NFXL1: variants seen among roughly 807,000 people sequenced by gnomAD.
NFXL1 encodes NF-X1-type zinc finger protein NFXL1.
Under a neutral mutation model 123.3 loss-of-function variants are expected in NFXL1, and 66 were observed. That is an observed-to-expected ratio of 0.54 (90% CI 0.44 to 0.66). NFXL1 has a LOEUF of 0.66. NFXL1 is among the 30% of genes least tolerant of loss of function. NFXL1 has a pLI of 0.00. For synonymous variants in NFXL1, 346 were observed against 360.8 expected (o/e 0.96, Z 0.46); for missense variants, 944 against 1,125.6 (o/e 0.84, Z 2.31).
At chr4:47,850,887 T>G (rs978442982) in intron 22 of NFXL1, among the ~76,000 whole-genome samples, 24 of 152,174 alleles carry the variant, frequency 1.6e-4, no homozygotes, top group African/African-American at 4.8e-4. Context: ...AAAAAAAATT[T>G]GGGAATATAT....
intron 11 of NFXL1, 122 bp from the exon 12 acceptor site, chr4:47,890,825 CAAG>C: frequency 1.7e-6 from 1 of 579,602 alleles, no homozygotes; most frequent in Non-Finnish European, 3.1e-6. Context: ...AAGAAGTATT[CAAG>C]AATATCAACA....
chr4:47,870,233 C>T (rs2110058117), intron 18 of NFXL1, among the ~76,000 whole-genome samples: 1 of 152,216 alleles, frequency 6.6e-6, no homozygotes, highest in Middle Eastern at 3.4e-3. Flanking sequence ...AAAGACAATA[C>T]AAAATTTAAA....
At position 47,896,749 on chromosome 4, in the gene NFXL1, A is replaced by G. The variant is rs1054689149; in HGVS notation, c.1205-102T>C. On this transcript the variant is annotated intron_variant, in intron 9 of 22. Transcript: ENST00000507489. ...CTCCCTAAGGAATGCTAGCACTTTC[A>G]GACTATAAATTTTTGTATCCACATA... 4.3e-6 allele frequency: 3 copies of G among 696,728 alleles called. No homozygotes were observed. In the East Asian group the frequency reaches 8.3e-5, roughly 19 times the overall value. 43.2% of individuals were successfully genotyped at this position (696,728 alleles called of 1,614,324 possible). A position where few individuals can be genotyped will look rare whatever the true frequency, so the allele number is the denominator to read the frequency against.
chr4:47,869,127 A>C (rs758421959), intron 18 of NFXL1, among the ~76,000 whole-genome samples: 5 of 152,226 alleles, frequency 3.3e-5, no homozygotes, highest in Non-Finnish European at 5.9e-5. Context: ...TGAGAGGCTG[A>C]GGCGGGAGGA....
chr4:47,905,519 C>T (rs552480904), intron 3 of NFXL1, among the ~76,000 whole-genome samples, 173 bp from the exon 4 acceptor site: 17 of 152,118 alleles, frequency 1.1e-4, no homozygotes, highest in African/African-American at 2.9e-4. Flanking sequence ...CAAGAGGTAA[C>T]GAAGTCTGTG....
chr4:47,910,531 G>A (rs1578045086), intron 3 of NFXL1, among the ~76,000 whole-genome samples: 1 of 152,028 alleles, frequency 6.6e-6, no homozygotes, highest in African/African-American at 2.4e-5. Context: ...CCAGTCCACC[G>A]CTCAGGAGCT....
intron 12 of NFXL1, among the ~76,000 whole-genome samples, chr4:47,889,833 G>A (rs1347526747): frequency 1.3e-5 from 2 of 152,106 alleles, no homozygotes; most frequent in African/African-American, 4.8e-5. Context: ...GGTCTGCAAG[G>A]TCTCACATGC....
chr4:47,887,900 C>T (rs997008105), intron 12 of NFXL1, among the ~76,000 whole-genome samples: 17 of 152,052 alleles, frequency 1.1e-4, no homozygotes, highest in Admixed American at 2.0e-4. Flanking sequence ...CTATACTGAC[C>T]AATACCAGTT....
At chr4:47,865,421 G>C (rs1734996113) in intron 18 of NFXL1, among the ~76,000 whole-genome samples, 1 of 149,422 alleles carries the variant, frequency 6.7e-6, no homozygotes, top group South Asian at 2.2e-4. Context: ...CAAAATCACT[G>C]AATCCCACGA....
At chr4:47,878,723 T>G in intron 16 of NFXL1, 58 bp from the exon 17 acceptor site, 1 of 1,283,594 alleles carries the variant, frequency 7.8e-7, no homozygotes. Flanking sequence ...CTGGACATAT[T>G]ATATGTTTCC....
chr4:47,903,406 A>C, intron 4 of NFXL1, 83 bp from the exon 5 acceptor site: 1 of 914,080 alleles, frequency 1.1e-6, no homozygotes, highest in Non-Finnish European at 1.5e-6. Flanking sequence ...ATCACACTAA[A>C]CTATTTTCAA....
intron 4 of NFXL1, among the ~76,000 whole-genome samples, chr4:47,903,598 A>T (rs189117906): frequency 1.7e-3 from 252 of 152,048 alleles, no homozygotes; most frequent in Non-Finnish European, 1.7e-3. Context: ...ATATATATAT[A>T]TTTTTTTCAT....
At chr4:47,908,136 A>C (rs1737644861) in intron 3 of NFXL1, among the ~76,000 whole-genome samples, 1 of 152,200 alleles carries the variant, frequency 6.6e-6, no homozygotes, top group African/African-American at 2.4e-5. Flanking sequence ...TGAAGACTTG[A>C]TTAACTCTCA....
At chr4:47,888,803 A>C (rs781095299) in intron 12 of NFXL1, among the ~76,000 whole-genome samples, 14 of 152,224 alleles carry the variant, frequency 9.2e-5, no homozygotes, top group Non-Finnish European at 1.9e-4. Flanking sequence ...CTTTAGAGAC[A>C]AAACCAATTA....
At chr4:47,878,436 GC>G in intron 17 of NFXL1, 88 bp downstream of exon 17, 1 of 1,067,576 alleles carries the variant, frequency 9.4e-7, no homozygotes, top group East Asian at 2.7e-5. Flanking sequence ...GGAAGCTAAA[GC>G]AAAACAGAAA....
intron 5 of NFXL1, among the ~76,000 whole-genome samples, chr4:47,900,908 A>G (rs890160271): frequency 1.3e-5 from 2 of 152,234 alleles, no homozygotes; most frequent in African/African-American, 4.8e-5. Flanking sequence ...TCTGTGGAAT[A>G]AGTAACTGGC....
chr4:47,863,351 A>G (rs1037217744), intron 18 of NFXL1, among the ~76,000 whole-genome samples: 4 of 152,218 alleles, frequency 2.6e-5, no homozygotes, highest in Admixed American at 2.0e-4. Flanking sequence ...AAATTAACTT[A>G]TTTAAAAAGC....
intron 19 of NFXL1, among the ~76,000 whole-genome samples, chr4:47,858,945 G>A (rs1734569835): frequency 6.6e-6 from 1 of 151,964 alleles, no homozygotes; most frequent in South Asian, 2.1e-4. Context: ...TGTTAGATGT[G>A]TAAGTAAGTA....
At chr4:47,865,094 T>C (rs1346808205) in intron 18 of NFXL1, among the ~76,000 whole-genome samples, 2 of 152,204 alleles carry the variant, frequency 1.3e-5, no homozygotes, top group African/African-American at 4.8e-5. Flanking sequence ...CAGAAGTGAT[T>C]GTTTTCTTCT....
Sources: gnomAD v4.1 joint callset for allele counts (sites outside exome capture counted in the v4.1 genomes callset) on GRCh38, gnomAD v4.1.1 for gene constraint, MANE v1.5 for transcripts, NCBI Gene and HGNC (gene_info 2026-07-23, HGNC 2026-07-21) for gene names.